Variants in KEL observed in about 807,000 individuals in gnomAD.
The protein encoded by KEL is kell blood group glycoprotein.
A neutral mutation model predicts 99.5 loss-of-function variants in KEL; 96 were observed. The observed-to-expected ratio is 0.97, with a 90% CI of 0.82 to 1.14. The LOEUF (loss-of-function observed/expected upper bound fraction) is 1.14, where lower values mean the gene tolerates loss of function less well. KEL is among the 50% of genes most tolerant of loss of function. The pLI is 0.00. For missense variants in KEL, 926 were observed against 924.2 expected (o/e 1.00, Z -0.03); for synonymous variants, 355 against 354.8 (o/e 1.00, Z -0.01).
In KEL at chr7:142,958,416, G is replaced by T. The variant is rs772143082; in HGVS notation, c.413C>A (p.Ser138Tyr). ...CTCCTCCCCAGAGCCTGGGTGCCAG[G>T]AATTCTGGACCTCTAGAAAGGAAGC... ...RLRRILEVQN[S>Y]WHPGSGEEKA... The change falls in exon 5 of 19, where the codon TCC becomes TAC. Residue 138 changes from serine (S) to tyrosine (Y), a missense_variant. Physicochemically the swap from Ser to Tyr is moderately radical, Grantham distance 144. Transcript: ENST00000355265. 2.9e-5 allele frequency: 46 copies of T among 1,613,900 alleles called. No individual in the cohort carries two copies. Among genetic ancestry groups the T allele is most frequent in the Admixed American group, 1.8e-4 (11 of 59,998 alleles).
rs966678505 is a variant in KEL, at chr7:142,958,041, C to G, written c.526-68G>C. The G allele has an allele frequency of 1.0e-5, 16 of 1,566,706 alleles. No homozygotes were observed. In the Admixed American group the frequency reaches 2.7e-4, roughly 27 times the overall value. On this transcript the variant is annotated intron_variant, in intron 5 of 18. Transcript: ENST00000355265. ...GCCCATCCCCCATTGTCTGGATCGG[C>G]TCTTACACAGCTGCTACTGCCTGAC...
chr7:142,946,149 A>G (rs776203662), intron 11 of KEL, 58 bp downstream of exon 11: 37 of 1,213,732 alleles, frequency 3.0e-5, no homozygotes, highest in Middle Eastern at 1.9e-4. Context: ...AGAAGAGGGA[A>G]GGCTGCTTTG....
rs1397869366 is a variant in KEL at position 142,944,682 on chromosome 7, G to C, written c.1374C>G (p.Pro458=). Residue 458 remains proline, a synonymous_variant, in exon 12 of 19, where the codon CCC becomes CCG. Coordinates refer to ENST00000355265, the MANE Select transcript of KEL (RefSeq NM_000420.3). ...TGTTCTGGGTCTCCTCATTCATCCA[G>C]GGAAGGTTTCTGAGGCGAGTGATGA... ...DALITRLRNL[P]WMNEETQNMA... is the part of the protein sequence containing the mutation. 2 of 1,614,158 alleles carry C rather than the reference G, an allele frequency of 1.2e-6. No individual in the cohort carries two copies. The highest frequency in any genetic ancestry group is 1.7e-6 in the Non-Finnish European group (2 of 1,180,012).
chr7:142,944,764 CA>C (rs1229363003), intron 11 of KEL, 23 bp from the exon 12 acceptor site: 1 of 1,572,296 alleles, frequency 6.4e-7, no homozygotes, highest in Non-Finnish European at 8.8e-7. Flanking sequence ...GGTCCAGGGA[CA>C]GGGGGACAGG....
At chr7:142,956,548 C>T (rs928412222) in intron 6 of KEL, among the ~76,000 whole-genome samples, 1 of 152,138 alleles carries the variant, frequency 6.6e-6, no homozygotes, top group Non-Finnish European at 1.5e-5. Context: ...CTGCACCCCA[C>T]CTTGCCTCCC....
intron 10 of KEL, among the ~76,000 whole-genome samples, chr7:142,947,069 G>A (rs964191268): frequency 6.6e-6 from 1 of 152,180 alleles, no homozygotes; most frequent in African/African-American, 2.4e-5. Context: ...GACAGATGCT[G>A]AGAAGGTCTT....
Position 142,957,990 on chromosome 7 carries a change from G to T in KEL, c.526-17C>A. 6.2e-7 allele frequency: 1 copy of T among 1,609,884 alleles called. No individual in the cohort carries two copies. The stretch of plus-strand genomic sequence containing the variant: ...GCCTCCAAGCTTTAAAGGAGAGAGA[G>T]GGGGCTGAGCATAAGGATCCGTGGA... On this transcript the variant is annotated splice_polypyrimidine_tract_variant and intron_variant, in intron 5 of 18. Transcript: ENST00000355265.
At chr7:142,942,306 G>A (rs1317459504) in intron 18 of KEL, 128 bp downstream of exon 18, 5 of 694,122 alleles carry the variant, frequency 7.2e-6, no homozygotes, top group African/African-American at 7.0e-5. Flanking sequence ...AGATAACAGT[G>A]AGGACATCTG....
chr7:142,942,496 C>A lies in KEL; in HGVS notation c.1975G>T (p.Glu659Ter). ...YSKRLLRHHG[E>*]TVLPSLDLSP... ...AGGTCCAGGCTGGGCAGGACAGTCT[C>A]CCCATGGTGCCGTAACAGCCTCTTG... Residue 659 changes from glutamate (E) to a stop codon, truncating the protein, a stop_gained, in exon 18 of 19, where the codon GAG (glutamate) becomes TAG (stop). Transcript: ENST00000355265. LOFTEE classifies it high-confidence loss of function. 6.2e-7 allele frequency: 1 copy of A among 1,610,102 alleles called. No homozygotes were observed. The highest frequency in any genetic ancestry group is 2.2e-5 in the East Asian group (1 of 44,834).
intron 4 of KEL, among the ~76,000 whole-genome samples, chr7:142,958,855 T>C (rs1351271046): frequency 6.6e-6 from 1 of 152,220 alleles, no homozygotes; most frequent in East Asian, 1.9e-4. Context: ...TCCGCAATCT[T>C]TATCTTACCC....
intron 10 of KEL, among the ~76,000 whole-genome samples, chr7:142,950,596 C>A (rs773928307): frequency 2.0e-5 from 3 of 152,234 alleles, no homozygotes; most frequent in African/African-American, 4.8e-5. Flanking sequence ...GCTCCCTGAT[C>A]TCTCCCTCTT....
chr7:142,953,480 G>C, intron 9 of KEL: 1 of 786,772 alleles, frequency 1.3e-6, no homozygotes, highest in Non-Finnish European at 1.5e-6. Flanking sequence ...TCTGTGTCTG[G>C]GTCTTCCAGC....
intron 2 of KEL, 55 bp downstream of exon 2, chr7:142,961,740 G>C: frequency 1.4e-6 from 2 of 1,475,350 alleles, no homozygotes; most frequent in Non-Finnish European, 1.9e-6. Flanking sequence ...TGGGATTTTA[G>C]AGCCGAGAGT....
chr7:142,942,740 C>T (rs930268665), intron 17 of KEL, 135 bp downstream of exon 17: 9 of 1,144,370 alleles, frequency 7.9e-6, no homozygotes, highest in East Asian at 7.1e-5. Flanking sequence ...CCCAAGTTGC[C>T]GTCTATTCAG....
At chr7:142,946,632 A>C in intron 10 of KEL, 1 of 414,900 alleles carries the variant, frequency 2.4e-6, no homozygotes, top group Non-Finnish European at 4.4e-6. Context: ...GAGAACCCAA[A>C]CTCATACCTC....
chr7:142,956,707 C>G (rs1050686655), intron 6 of KEL, among the ~76,000 whole-genome samples: 3 of 152,174 alleles, frequency 2.0e-5, no homozygotes, highest in African/African-American at 7.2e-5. Context: ...TGGCTTAGCT[C>G]ACCTTCTCTC....
Position 142,962,322 on chromosome 7 carries a change from A to G in KEL, c.-116T>C. 2.5e-6 allele frequency: 3 copies of G among 1,177,196 alleles called. No homozygotes were observed. The highest frequency in any genetic ancestry group is 3.8e-6 in the Non-Finnish European group (3 of 784,994). 72.9% of individuals were successfully genotyped at this position (1,177,196 alleles called of 1,614,324 possible). A position where few individuals can be genotyped will look rare whatever the true frequency, so the allele number is the denominator to read the frequency against. ...AGTTCCTTGATCCTGGAGAAGGGGC[A>G]CTTCTGCTGCTCTTTCGCCTTGTCC... On this transcript the variant is annotated 5_prime_UTR_variant, in exon 1 of 19. Coordinates refer to ENST00000355265, the MANE Select transcript of KEL (RefSeq NM_000420.3).
intron 10 of KEL, among the ~76,000 whole-genome samples, chr7:142,951,346 G>A (rs1268238844): frequency 6.6e-6 from 1 of 152,170 alleles, no homozygotes; most frequent in Non-Finnish European, 1.5e-5. Context: ...AAGATAACTT[G>A]GGGCTCTGGT....
At chr7:142,952,763 G>T in intron 9 of KEL, 125 bp from the exon 10 acceptor site, 1 of 1,135,400 alleles carries the variant, frequency 8.8e-7, no homozygotes, top group Non-Finnish European at 1.3e-6. Flanking sequence ...GTATTAATAA[G>T]TGTTTTAACA....
Sources: gnomAD v4.1 joint callset for allele counts (sites outside exome capture counted in the v4.1 genomes callset) on GRCh38, gnomAD v4.1.1 for gene constraint, MANE v1.5 for transcripts, NCBI Gene and HGNC (gene_info 2026-07-23, HGNC 2026-07-21) for gene names.